Variants in CLPTM1L observed in about 807,000 individuals in gnomAD.
CLPTM1L encodes the protein lipid scramblase CLPTM1L.
A neutral mutation model predicts 70.9 loss-of-function variants in CLPTM1L; 38 were observed. The observed-to-expected ratio is 0.54, with a 90% CI of 0.41 to 0.70. CLPTM1L has a LOEUF of 0.70. Among genes scored for constraint, CLPTM1L ranks in the 30% least tolerant of loss-of-function variants. The pLI is 0.00. For missense variants in CLPTM1L, 652 were observed against 705.9 expected (o/e 0.92, Z 0.87); for synonymous variants, 339 against 299.9 (o/e 1.13, Z -1.35).
At position 1,337,235 on chromosome 5, in the gene CLPTM1L, C is replaced by T. The variant is rs151274603; in HGVS notation, c.678+669G>A. On this transcript the variant is annotated intron_variant, in intron 5 of 16. Transcript: ENST00000320895. Reference sequence around the variant, plus strand: ...ACGGAAAGATTCACAAAGTGCTTAGCACAGTGCCTCATGTGCAGTAAGAGA... The same window carrying T: ...ACGGAAAGATTCACAAAGTGCTTAGTACAGTGCCTCATGTGCAGTAAGAGA... Among the ~76,000 whole-genome samples the T allele has an allele frequency of 6.7e-3, 1,021 of 152,356 alleles. 7 individuals carry two copies. The highest frequency in any genetic ancestry group is 0.023 in the African/African-American group (951 of 41,580).
Position 1,344,396 on chromosome 5 carries a change from A to G in CLPTM1L, c.218T>C (p.Leu73Pro), listed in dbSNP as rs1372348435. 2 of 1,613,910 alleles carry G rather than the reference A, an allele frequency of 1.2e-6. No individual in the cohort carries two copies. Among genetic ancestry groups the G allele is most frequent in the South Asian group, 1.1e-5 (1 of 91,092 alleles). Residue 73 changes from leucine (L) to proline (P), a missense_variant, in exon 2 of 17, where the codon CTG becomes CCG. Leu to Pro is a moderately conservative substitution (Grantham distance 98). This residue lies in a region of CLPTM1L where 402 missense variants were observed against 388.2 expected (regional missense o/e 1.04). Transcript: ENST00000320895. ...ATCAAAGTCTTCCACATTCAAGACC[A>G]GGTCGATGTTGTTCTCAGCACCCAG... ...SHLGAENNID[L>P]VLNVEDFDVE... is the part of the protein sequence containing the mutation.
rs921819394 is a variant in CLPTM1L at position 1,342,834 on chromosome 5, C to A, written c.264-974G>T. Among the ~76,000 whole-genome samples, 3 of 152,248 alleles carry A rather than the reference C, an allele frequency of 2.0e-5. No homozygotes were observed. Among genetic ancestry groups the A allele is most frequent in the Non-Finnish European group, 1.5e-5 (1 of 68,048 alleles). ...GAACTGCTGGGCTCAAGTGATCCTC[C>A]CGCCTTGGCCTCCCAAACTGCTGGG... On this transcript the variant is annotated intron_variant, in intron 2 of 16. Transcript: ENST00000320895. This position sits in a 1 kb window ranked among gnomAD's most constrained non-coding sequence, Gnocchi z 4.3.
In CLPTM1L at chr5:1,334,402, CAT is replaced by C. The variant is rs1753419396; in HGVS notation, c.797-21_797-20del. ...GAAAACCCTGTCAAGGAAAAAAAAA[CAT>C]ACAATATAAAACAGGCAATGTCAAT... On this transcript the variant is annotated intron_variant, in intron 6 of 16. Coordinates refer to ENST00000320895, the MANE Select transcript of CLPTM1L (RefSeq NM_030782.5). The C allele has an allele frequency of 1.2e-5, 15 of 1,279,460 alleles. No homozygotes were observed. The highest frequency in any genetic ancestry group is 1.7e-5 in the Non-Finnish European group (15 of 880,316). 79.3% of individuals were successfully genotyped at this position (1,279,460 alleles called of 1,614,324 possible).
chr5:1,340,985 C>T (rs572643949), intron 3 of CLPTM1L, among the ~76,000 whole-genome samples: 2,650 of 152,208 alleles, frequency 0.017, 37 homozygotes, highest in Non-Finnish European at 0.024. Context: ...AGGCTAGTCT[C>T]GAACTCCTGA....
Position 1,320,703 on chromosome 5 carries a change from A to C in CLPTM1L, c.1445T>G (p.Phe482Cys). The change falls in exon 16 of 17, where the codon TTT (phenylalanine) becomes TGT (cysteine). Residue 482 changes from phenylalanine (F) to cysteine (C), a missense_variant. This residue lies in a region of CLPTM1L where 240 missense variants were observed against 295.0 expected (regional missense o/e 0.81). Transcript: ENST00000320895. Reference protein sequence around the residue: ...KAFNTFIDDVFAFIITMPTSH... With the variant: ...KAFNTFIDDVCAFIITMPTSH... ...CGTGGGCATGGTGATGATGAAGGCA[A>C]AGACGTCATCAATGAAGGTGTTGAA... The C allele has an allele frequency of 6.5e-7, 1 of 1,547,694 alleles. No individual in the cohort carries two copies. Among genetic ancestry groups the C allele is most frequent in the Non-Finnish European group, 8.7e-7 (1 of 1,144,612 alleles).
chr5:1,339,002 T>C lies in CLPTM1L; in HGVS notation c.457A>G (p.Ile153Val). ...LLTGESDTQQ[I>V]EAEKKPTSAL... ...CTCGTCGGCTTCTTCTCCGCCTCGA[T>C]CTGCTGTTAAGTGAGGAAAACAGAG... Residue 153 changes from isoleucine (I) to valine (V), a missense_variant, in exon 4 of 17, where the codon ATC (isoleucine) becomes GTC (valine). Physicochemically the swap from Ile to Val is conservative, Grantham distance 29. Around this residue, in one of 3 missense-constraint regions of CLPTM1L, gnomAD observed 402 missense variants for 388.2 expected, o/e 1.04. Coordinates refer to ENST00000320895, the MANE Select transcript of CLPTM1L (RefSeq NM_030782.5). 6.2e-7 allele frequency: 1 copy of C among 1,612,900 alleles called. No individual in the cohort carries two copies. Among genetic ancestry groups the C allele is most frequent in the Non-Finnish European group, 8.5e-7 (1 of 1,179,790 alleles).
chr5:1,339,051 T>C (rs893241321), intron 3 of CLPTM1L, 46 bp from the exon 4 acceptor site: 3 of 1,594,950 alleles, frequency 1.9e-6, no homozygotes, highest in East Asian at 2.3e-5. Context: ...CAGAAAACCA[T>C]GCCCAGGACA....
chr5:1,342,930 C>T lies in CLPTM1L; in HGVS notation c.264-1070G>A, dbSNP rs947671611. On this transcript the variant is annotated intron_variant, in intron 2 of 16. Transcript: ENST00000320895. This position sits in a 1 kb window ranked among gnomAD's most constrained non-coding sequence, Gnocchi z 4.3. ...ACGGTTGGCCGGGTGCGGCGGCTCA[C>T]GCCTGTAATCCCAGCACCTTGGGAG... is the stretch of plus-strand genomic sequence containing the variant. Among the ~76,000 whole-genome samples, 2 of 152,234 alleles carry T rather than the reference C, an allele frequency of 1.3e-5. No individual in the cohort carries two copies. Among genetic ancestry groups the T allele is most frequent in the Non-Finnish European group, 1.5e-5 (1 of 68,034 alleles).
At chr5:1,324,667 G>A (rs1752403647) in intron 11 of CLPTM1L, 96 bp downstream of exon 11, 2 of 1,226,686 alleles carry the variant, frequency 1.6e-6, no homozygotes, top group African/African-American at 1.5e-5. Flanking sequence ...CGTACTCCAA[G>A]GAGACTTCCG....
chr5:1,343,994 A>G (rs1398092905), intron 2 of CLPTM1L, among the ~76,000 whole-genome samples: 1 of 152,202 alleles, frequency 6.6e-6, no homozygotes, highest in African/African-American at 2.4e-5. Flanking sequence ...TAAGCGAACT[A>G]CTTCCACCAG....
Position 1,331,804 on chromosome 5 carries a change from T to C in CLPTM1L, c.971A>G (p.Lys324Arg). The C allele has an allele frequency of 6.2e-7, 1 of 1,613,300 alleles. No individual in the cohort carries two copies. Among genetic ancestry groups the C allele is most frequent in the Non-Finnish European group, 8.5e-7 (1 of 1,179,972 alleles). Residue 324 changes from lysine (K) to arginine (R), a missense_variant, in exon 8 of 17, where the codon AAG becomes AGG. Lys to Arg is a conservative substitution (Grantham distance 26). Transcript: ENST00000320895. Reference sequence around the variant, plus strand: ...GCCACGCTCGGGGGGCCTACCTGCCTTGGTGGACATGCCGATCATGCTCTT... The same window carrying C: ...GCCACGCTCGGGGGGCCTACCTGCCCTGGTGGACATGCCGATCATGCTCTT... Reference protein sequence around the residue: ...KKKSMIGMSTKAVLWRCFSTV... With the variant: ...KKKSMIGMSTRAVLWRCFSTV...
In CLPTM1L at chr5:1,321,827, AAGAC is replaced by A; in HGVS notation, c.1316-12_1316-9del. The A allele has an allele frequency of 3.1e-6, 5 of 1,613,142 alleles. No homozygotes were observed. Among genetic ancestry groups the A allele is most frequent in the Admixed American group, 1.7e-5 (1 of 59,884 alleles). On this transcript the variant is annotated splice_polypyrimidine_tract_variant and intron_variant, in intron 13 of 16. Transcript: ENST00000320895. Reference sequence around the variant, plus strand: ...AACCAAAGGCATAGACCCCTGCAGAAAGACAGACAGCACTCACGAGGTGCGGAGG... The same window carrying A: ...AACCAAAGGCATAGACCCCTGCAGAAAGACAGCACTCACGAGGTGCGGAGG...
intron 2 of CLPTM1L, among the ~76,000 whole-genome samples, chr5:1,344,053 T>C (rs1754114559): frequency 6.6e-6 from 1 of 152,248 alleles, no homozygotes; most frequent in Non-Finnish European, 1.5e-5. Flanking sequence ...TTGTCTGCTC[T>C]CCACTGGTTC....
intron 9 of CLPTM1L, among the ~76,000 whole-genome samples, chr5:1,328,394 TTCCAGCTCCTCCTCTACAGACACATTCCA>T (rs1752788803): frequency 2.3e-5 from 2 of 85,558 alleles, no homozygotes; most frequent in African/African-American, 4.5e-5. Context: ...GGGACATTTC[TTCCAGCTCCTCCTCTACAGACACATTCCA>T]TCCAGCTCCT....
At chr5:1,341,928 C>A in intron 2 of CLPTM1L, 68 bp from the exon 3 acceptor site, 1 of 1,290,854 alleles carries the variant, frequency 7.7e-7, no homozygotes, top group Non-Finnish European at 1.1e-6. Context: ...TATTCAAATA[C>A]CTTTATAAAG....
rs376779 is a variant in CLPTM1L at position 1,327,346 on chromosome 5, C to T, written c.1081-1530G>A. Among the ~76,000 whole-genome samples the T allele has an allele frequency of 1.6e-4, 22 of 136,660 alleles. No individual in the cohort carries two copies. The East Asian group carries it at 1.6e-3, about 10-fold the overall frequency. The allele number at this position is 136,660 out of a possible 152,430, so 89.7% of individuals were successfully genotyped here. On this transcript the variant is annotated intron_variant, in intron 9 of 16. Coordinates refer to ENST00000320895, the MANE Select transcript of CLPTM1L (RefSeq NM_030782.5). ...CCAGCTCCTCCTCTACAGACACATTCCATCCAGCTCCTCCTCTACAGGCAC... is the reference window on the plus strand; with the variant it reads ...CCAGCTCCTCCTCTACAGACACATTTCATCCAGCTCCTCCTCTACAGGCAC...
At chr5:1,330,703 C>G (rs1753032838) in intron 8 of CLPTM1L, 1 of 354,072 alleles carries the variant, frequency 2.8e-6, no homozygotes, top group African/African-American at 2.1e-5. Context: ...CCGGGCGTGT[C>G]TTATGCCAGT....
rs1449481235 is a variant in CLPTM1L, at chr5:1,342,140, G to A, written c.264-280C>T. On this transcript the variant is annotated intron_variant, in intron 2 of 16. Coordinates refer to ENST00000320895, the MANE Select transcript of CLPTM1L (RefSeq NM_030782.5). The surrounding 1 kb of genome is among the most constrained non-coding windows in gnomAD (Gnocchi z 4.3). ...CTTCCTGCCTCCATCTCAGGAGGCT[G>A]AGAGGTCAATAACCCACCTGAGGCC... is the stretch of plus-strand genomic sequence containing the variant. 6.6e-6 allele frequency among the ~76,000 whole-genome samples: 1 copy of A among 152,062 alleles called. No homozygotes were observed. Among genetic ancestry groups the A allele is most frequent in the African/African-American group, 2.4e-5 (1 of 41,372 alleles).
At chr5:1,322,735 C>G (rs1752231089) in intron 13 of CLPTM1L, 142 bp downstream of exon 13, 1 of 841,394 alleles carries the variant, frequency 1.2e-6, no homozygotes, top group Non-Finnish European at 2.0e-6. Context: ...GCCCTGGGCA[C>G]CGCACATGTG....
Sources: allele counts gnomAD v4.1 joint callset (sites outside exome capture counted in the v4.1 genomes callset), GRCh38; gene constraint gnomAD v4.1.1; regional missense constraint gnomAD v4.1.1; non-coding constraint Gnocchi (gnomAD v3.1); transcripts MANE v1.5; gene names NCBI Gene and HGNC (gene_info 2026-07-23, HGNC 2026-07-21).